MPHOSPH10: variants seen among roughly 807,000 people sequenced by gnomAD.
MPHOSPH10 encodes M-phase phosphoprotein 10, also known as U3 small nucleolar ribonucleoprotein MPP10.
Under a neutral mutation model 77.3 loss-of-function variants are expected in MPHOSPH10, and 33 were observed. The observed-to-expected ratio is 0.43, with a 90% CI of 0.32 to 0.57. MPHOSPH10 has a LOEUF of 0.57. Among genes scored for constraint, MPHOSPH10 ranks in the 20% least tolerant of loss-of-function variants. MPHOSPH10 has a pLI of 0.07. For synonymous variants in MPHOSPH10, 245 were observed against 268.0 expected, an observed-to-expected ratio of 0.91 and a Z score of 0.84; for missense variants, 708 against 780.1, an observed-to-expected ratio of 0.91 and a Z score of 1.10.
At chr2:71,131,787 G>T (rs1673390310) in intron 1 of MPHOSPH10, among the ~76,000 whole-genome samples, 1 of 152,184 alleles carries the variant, frequency 6.6e-6, no homozygotes, top group Non-Finnish European at 1.5e-5. Context: ...TTAAGGTAGG[G>T]CAGGGACAAG....
chr2:71,136,224 A>G (rs933363910), intron 4 of MPHOSPH10, among the ~76,000 whole-genome samples: 4 of 152,200 alleles, frequency 2.6e-5, no homozygotes, highest in Admixed American at 6.5e-5. Context: ...TTTTATCACA[A>G]TAAAAATGAG....
intron 9 of MPHOSPH10, chr2:71,148,821 C>G (rs979934375): frequency 4.9e-6 from 1 of 204,030 alleles, no homozygotes. Flanking sequence ...GTTCCTTGGT[C>G]TCTGCCCTCT....
chr2:71,139,362 A>G (rs1673566080), intron 5 of MPHOSPH10: 1 of 156,646 alleles, frequency 6.4e-6, no homozygotes, highest in South Asian at 2.0e-4. Flanking sequence ...TCTTGTAGTA[A>G]TCTGTTTTGA....
Position 71,149,348 on chromosome 2 carries a change from A to G in MPHOSPH10, c.1791A>G (p.Lys597=). ...TAAAAGAGAAGGAGAAGCGGAGAAA[A>G]CTGCTTGAAAAGAGCAGTGTAGATC... The part of the protein sequence containing the change: ...MKIKEKEKRR[K]LLEKSSVDQA... The change falls in exon 10 of 11, where the codon AAA becomes AAG. Residue 597 remains lysine (K), a synonymous_variant. Coordinates refer to ENST00000244230, the MANE Select transcript of MPHOSPH10 (RefSeq NM_005791.3). 1 of 1,614,156 alleles carries G rather than the reference A, an allele frequency of 6.2e-7. No homozygotes were observed. The highest frequency in any genetic ancestry group is 8.5e-7 in the Non-Finnish European group (1 of 1,180,000).
intron 9 of MPHOSPH10, chr2:71,148,872 G>A (rs1673765560): frequency 7.3e-6 from 2 of 272,958 alleles, no homozygotes; most frequent in East Asian, 1.8e-4. Context: ...TCAGAGCTGA[G>A]GCTGCCTCTG....
In MPHOSPH10 at chr2:71,144,440, G is replaced by A. The variant is rs1480677279; in HGVS notation, c.1459G>A (p.Glu487Lys). 1.9e-6 allele frequency: 3 copies of A among 1,613,184 alleles called. No homozygotes were observed. The highest frequency in any genetic ancestry group is 1.7e-5 in the Admixed American group (1 of 59,886). The change falls in exon 8 of 11, where the codon GAA (glutamate) becomes AAA (lysine). Residue 487 changes from glutamate (E) to lysine (K), a missense_variant. Coordinates refer to ENST00000244230, the MANE Select transcript of MPHOSPH10 (RefSeq NM_005791.3). The part of the protein sequence containing the change: ...YIKLNQQKTA[E>K]EENPEHVEIQ... ...CTTATTTCCTAAGCAAAAAACAGCA[G>A]AAGAAGAAAATCCAGAACATGTAGA...
intron 1 of MPHOSPH10, chr2:71,130,962 C>G (rs1321941466): frequency 5.3e-6 from 3 of 563,856 alleles, no homozygotes; most frequent in African/African-American, 1.9e-5. Flanking sequence ...TTGAGTGTTA[C>G]TGAAATCACT....
chr2:71,138,743 G>A, intron 5 of MPHOSPH10, 112 bp downstream of exon 5: 1 of 1,431,980 alleles, frequency 7.0e-7, no homozygotes, highest in Non-Finnish European at 9.6e-7. Context: ...TTAAAAACTT[G>A]TAAACACATG....
Position 71,133,524 on chromosome 2 carries a change from A to T in MPHOSPH10, c.716A>T (p.Asp239Val), listed in dbSNP as rs1558752367. The T allele has an allele frequency of 6.2e-7, 1 of 1,610,848 alleles. No individual in the cohort carries two copies. The highest frequency in any genetic ancestry group is 8.5e-7 in the Non-Finnish European group (1 of 1,178,922). ...EEEEDIDFFE[D>V]IDSDEDEGGL... The stretch of plus-strand genomic sequence containing the variant: ...GAGGAAGATATTGATTTTTTTGAAG[A>T]TATTGATTCTGATGAAGATGAAGGG... The change falls in exon 2 of 11, where the codon GAT (aspartate) becomes GTT (valine). Residue 239 changes from aspartate (D) to valine (V), a missense_variant. Coordinates refer to ENST00000244230, the MANE Select transcript of MPHOSPH10 (RefSeq NM_005791.3).
intron 5 of MPHOSPH10, 100 bp downstream of exon 5, chr2:71,138,731 T>C: frequency 6.7e-7 from 1 of 1,502,068 alleles, no homozygotes; most frequent in Non-Finnish European, 9.1e-7. Flanking sequence ...CAACTTTTTA[T>C]TTTAAAAACT....
At chr2:71,132,659 A>T (rs565322009) in intron 1 of MPHOSPH10, among the ~76,000 whole-genome samples, 13 of 152,240 alleles carry the variant, frequency 8.5e-5, no homozygotes, top group Non-Finnish European at 1.6e-4. Context: ...ATCTCCAAGC[A>T]AATAGATTTA....
rs763564970 is a variant in MPHOSPH10 at position 71,138,441 on chromosome 2, T to A, written c.1099-49T>A. 8.6e-6 allele frequency: 12 copies of A among 1,392,560 alleles called. No individual in the cohort carries two copies. In the South Asian group the frequency reaches 1.3e-4, roughly 15 times the overall value. 86.3% of individuals were successfully genotyped at this position (1,392,560 alleles called of 1,614,324 possible). On this transcript the variant is annotated intron_variant, in intron 4 of 10. Coordinates refer to ENST00000244230, the MANE Select transcript of MPHOSPH10 (RefSeq NM_005791.3). The stretch of plus-strand genomic sequence containing the variant: ...ATTATTTTTTGCTTTTACACAAATA[T>A]AAGATTTTATTTTCTAAATGTATAC...
intron 3 of MPHOSPH10, 130 bp from the exon 4 acceptor site, chr2:71,134,496 T>G (rs1026987998): frequency 1.3e-6 from 1 of 790,462 alleles, no homozygotes; most frequent in African/African-American, 1.8e-5. Context: ...ACTGAATGAT[T>G]TTGGAAGTTC....
At chr2:71,139,734 T>C in intron 5 of MPHOSPH10, 61 bp from the exon 6 acceptor site, 1 of 1,191,704 alleles carries the variant, frequency 8.4e-7, no homozygotes, top group Non-Finnish European at 1.2e-6. Flanking sequence ...GTCCAAGGAC[T>C]GCACTGAATC....
intron 4 of MPHOSPH10, among the ~76,000 whole-genome samples, chr2:71,135,491 G>A (rs1284679854): frequency 1.3e-5 from 2 of 151,714 alleles, no homozygotes; most frequent in African/African-American, 4.8e-5. Flanking sequence ...AGGTTGCAGT[G>A]AGCCGAGATG....
chr2:71,136,532 AAG>A (rs1673494322), intron 4 of MPHOSPH10, among the ~76,000 whole-genome samples: 1 of 151,760 alleles, frequency 6.6e-6, no homozygotes, highest in South Asian at 2.1e-4. Flanking sequence ...TAAAAAAAAA[AAG>A]AGAACAGGCA....
chr2:71,138,363 A>G, intron 4 of MPHOSPH10, 127 bp from the exon 5 acceptor site: 3 of 757,520 alleles, frequency 4.0e-6, no homozygotes, highest in Admixed American at 3.1e-5. Context: ...GAATAAAAAG[A>G]TGGCAAGAAC....
Position 71,134,765 on chromosome 2 carries a change from G to C in MPHOSPH10, c.1066G>C (p.Val356Leu). 1 of 1,596,182 alleles carries C rather than the reference G, an allele frequency of 6.3e-7. No homozygotes were observed. The highest frequency in any genetic ancestry group is 1.1e-5 in the South Asian group (1 of 88,110). The change falls in exon 4 of 11, where the codon GTT (valine) becomes CTT (leucine). Residue 356 changes from valine to leucine, a missense_variant. This residue lies in a region of MPHOSPH10 where 433 missense variants were observed against 432.6 expected (regional missense o/e 1.00). Transcript: ENST00000244230. The part of the protein sequence containing the change: ...VLNVKKNSDE[V>L]KSSFEKRQEK... ...AAATGTAAAGAAAAATTCTGATGAA[G>C]TTAAATCCTCCTTTGAAAAAAGACA...
Position 71,148,024 on chromosome 2 carries a change from C to G in MPHOSPH10, c.1583C>G (p.Ser528Ter). The change falls in exon 9 of 11, where the codon TCA becomes TGA. Residue 528 changes from serine (S) to a stop codon, truncating the protein, a stop_gained. Coordinates refer to ENST00000244230, the MANE Select transcript of MPHOSPH10 (RefSeq NM_005791.3). LOFTEE classifies it high-confidence loss of function. Reference protein sequence around the residue: ...KPPVPEIKVVSNLPAITMEEV... With the variant: ...KPPVPEIKVV ...CCTGTACCAGAGATTAAAGTTGTGT[C>G]AAATCTGCCAGCCATAACCATGGAG... 1 of 1,614,110 alleles carries G rather than the reference C, an allele frequency of 6.2e-7. No homozygotes were observed.
Sources: allele counts gnomAD v4.1 joint callset (sites outside exome capture counted in the v4.1 genomes callset), GRCh38; gene constraint gnomAD v4.1.1; regional missense constraint gnomAD v4.1.1; transcripts MANE v1.5; gene names NCBI Gene and HGNC (gene_info 2026-07-23, HGNC 2026-07-21).